TTN: variants seen among roughly 807,000 people sequenced by gnomAD.
TTN encodes the protein titin, also known as connectin.
In TTN, 1,525 loss-of-function variants were observed where a neutral mutation model predicts 3,223.0. That is an observed-to-expected ratio of 0.47 (90% CI 0.45 to 0.49). The LOEUF (loss-of-function observed/expected upper bound fraction) is 0.49, where lower values mean the gene tolerates loss of function less well. TTN is among the 20% of genes least tolerant of loss of function. The pLI is 0.00. For synonymous variants in TTN, 14,094 were observed against 15,161.0 expected, an observed-to-expected ratio of 0.93 and a Z score of 5.17; for missense variants, 40,786 against 43,424.0, an observed-to-expected ratio of 0.94 and a Z score of 5.40.
intron 213 of TTN, among the ~76,000 whole-genome samples, 184 bp downstream of exon 213, chr2:178,649,064 C>T (rs766297488): frequency 2.7e-4 from 41 of 152,124 alleles, no homozygotes; most frequent in Non-Finnish European, 3.5e-4. Context: ...CACAGCACAA[C>T]TGAATCCCAC....
At chr2:178,751,901 T>G (rs781312451) in intron 47 of TTN, 1 of 1,603,190 alleles carries the variant, frequency 6.2e-7, no homozygotes, top group Non-Finnish European at 8.5e-7. Flanking sequence ...CTTAAAATAT[T>G]CAGGCCAGGA....
Position 178,583,022 on chromosome 2 carries a change from G to A in TTN, c.65781C>T (p.Asn21927=). The part of the protein sequence containing the change: ...NLCTLELFSV[N]RKDSGDYTIT... The stretch of plus-strand genomic sequence containing the variant: ...TGGTATAGTCTCCTGAGTCCTTCCG[G>A]TTCACGCTGAATAGCTCCAAGGTGC... Residue 21927 remains asparagine, a synonymous_variant, in exon 313 of 363, where the codon AAC becomes AAT. Transcript: ENST00000589042. 6.2e-7 allele frequency: 1 copy of A among 1,607,492 alleles called. No individual in the cohort carries two copies. The highest frequency in any genetic ancestry group is 8.5e-7 in the Non-Finnish European group (1 of 1,176,168).
chr2:178,691,937 AT>A, intron 121 of TTN, 78 bp downstream of exon 121: 1 of 1,176,392 alleles, frequency 8.5e-7, no homozygotes, highest in Non-Finnish European at 1.2e-6. Context: ...CAAAGGCAGC[AT>A]AGTACATATG....
chr2:178,720,105 A>T lies in TTN; in HGVS notation c.23537T>A (p.Phe7846Tyr), dbSNP rs397517504. ...CTGGAGGGTTGCAATGTTATCAATGAATGAAATCCTGGTATTTTCACTCTC... is the reference window on the plus strand; with the variant it reads ...CTGGAGGGTTGCAATGTTATCAATGTATGAAATCCTGGTATTTTCACTCTC... ...IRESENTRIS[F>Y]IDNIATLQLG... Residue 7846 changes from phenylalanine to tyrosine, a missense_variant, in exon 81 of 363, where the codon TTC becomes TAC. Physicochemically the swap from Phe to Tyr is conservative, Grantham distance 22 (BLOSUM62 3). Coordinates refer to ENST00000589042, the MANE Select transcript of TTN (RefSeq NM_001267550.2). 6.2e-7 allele frequency: 1 copy of T among 1,613,764 alleles called. No individual in the cohort carries two copies. The highest frequency in any genetic ancestry group is 8.5e-7 in the Non-Finnish European group (1 of 1,179,702).
chr2:178,778,289 G>A (rs990537875), intron 24 of TTN: 16 of 334,266 alleles, frequency 4.8e-5, no homozygotes, highest in Non-Finnish European at 8.3e-5. Context: ...AGACTTTTTT[G>A]ATTTAACTAC....
chr2:178,584,366 C>G lies in TTN; in HGVS notation c.65185G>C (p.Glu21729Gln), dbSNP rs375439506. 2.5e-6 allele frequency: 4 copies of G among 1,613,172 alleles called. No homozygotes were observed. The highest frequency in any genetic ancestry group is 2.7e-5 in the African/African-American group (2 of 74,880). ...YPCAGLVEGL[E>Q]YSFRIYALNK... ...AGGGCATAGATTCTGAATGAATACTCAAGACCTTCTACAAGGCCAGCACAA... is the reference window on the plus strand; with the variant it reads ...AGGGCATAGATTCTGAATGAATACTGAAGACCTTCTACAAGGCCAGCACAA... Residue 21729 changes from glutamate (E) to glutamine (Q), a missense_variant, in exon 311 of 363, where the codon GAG becomes CAG. Glu to Gln is a conservative substitution (Grantham distance 29, BLOSUM62 2). Coordinates refer to ENST00000589042, the MANE Select transcript of TTN (RefSeq NM_001267550.2).
chr2:178,595,128 G>T (rs1048771511), intron 295 of TTN, among the ~76,000 whole-genome samples: 5 of 151,944 alleles, frequency 3.3e-5, no homozygotes, highest in African/African-American at 1.2e-4. Flanking sequence ...AAAATTAGCT[G>T]GGCATGGTGG....
chr2:178,651,660 G>A lies in TTN; in HGVS notation c.39463+6C>T, dbSNP rs763744567. ...TTGTTAGGGAGTTAGTGGCAGTGAGGAATACCTTTCACTGGTGGTAGTTCA... is the reference window on the plus strand; with the variant it reads ...TTGTTAGGGAGTTAGTGGCAGTGAGAAATACCTTTCACTGGTGGTAGTTCA... On this transcript the variant is annotated splice_donor_region_variant and intron_variant, in intron 206 of 362. Coordinates refer to ENST00000589042, the MANE Select transcript of TTN (RefSeq NM_001267550.2). 2 of 1,613,156 alleles carry A rather than the reference G, an allele frequency of 1.2e-6. No homozygotes were observed. The highest frequency in any genetic ancestry group is 1.7e-6 in the Non-Finnish European group (2 of 1,179,474).
rs1559507734 is a variant in TTN, at chr2:178,581,953, C to T, written c.66416G>A (p.Gly22139Asp). ...RVTAINKAGPGKPSDASKAAY... is the reference protein window; with the variant it reads ...RVTAINKAGPDKPSDASKAAY... ...GGCCTTGGATGCGTCACTGGGTTTG[C>T]CTGGTCCAGCTTTATTTATAGCTGT... Residue 22139 changes from glycine (G) to aspartate (D), a missense_variant, in exon 315 of 363, where the codon GGC becomes GAC. Coordinates refer to ENST00000589042, the MANE Select transcript of TTN (RefSeq NM_001267550.2). The T allele has an allele frequency of 7.4e-6, 12 of 1,613,256 alleles. No individual in the cohort carries two copies. The highest frequency in any genetic ancestry group is 8.5e-6 in the Non-Finnish European group (10 of 1,179,486).
Position 178,559,665 on chromosome 2 carries a change from A to T in TTN, c.86467T>A (p.Tyr28823Asn), listed in dbSNP as rs1702876346. 6 of 1,612,686 alleles carry T rather than the reference A, an allele frequency of 3.7e-6. No individual in the cohort carries two copies. Among genetic ancestry groups the T allele is most frequent in the Non-Finnish European group, 4.2e-6 (5 of 1,179,342 alleles). ...ENANRNDSGK[Y>N]TLTIQNVLSA... ...AAAACATTCTGAATTGTTAATGTGTACTTTCCAGAGTCATTTCTGTTGGCA... is the reference window on the plus strand; with the variant it reads ...AAAACATTCTGAATTGTTAATGTGTTCTTTCCAGAGTCATTTCTGTTGGCA... Residue 28823 changes from tyrosine (Y) to asparagine (N), a missense_variant, in exon 326 of 363, where the codon TAC becomes AAC. Transcript: ENST00000589042.
intron 47 of TTN, chr2:178,744,521 G>A (rs1052803032): frequency 3.5e-6 from 3 of 863,812 alleles, no homozygotes; most frequent in Non-Finnish European, 4.2e-6. Context: ...CAAAATTAAA[G>A]AGTTACTTTA....
chr2:178,768,360 T>C (rs1243632996), intron 38 of TTN, among the ~76,000 whole-genome samples: 1 of 152,218 alleles, frequency 6.6e-6, no homozygotes, highest in Non-Finnish European at 1.5e-5. Context: ...CAAGGACTTT[T>C]CTATTGTCTC....
At position 178,569,770 on chromosome 2, in the gene TTN, C is replaced by T; in HGVS notation, c.76362G>A (p.Met25454Ile). The T allele has an allele frequency of 1.9e-6, 3 of 1,613,228 alleles. No homozygotes were observed. The highest frequency in any genetic ancestry group is 2.5e-6 in the Non-Finnish European group (3 of 1,179,602). ...TATTAATTCCTGTTGGTGGAGTGCA[C>T]ATTGTCCATTCACCAACACTCACAT... is the stretch of plus-strand genomic sequence containing the variant. Reference protein sequence around the residue: ...KCDVSVGEWTMCTPPTGINKT... With the variant: ...KCDVSVGEWTICTPPTGINKT... Residue 25454 changes from methionine to isoleucine, a missense_variant, in exon 326 of 363, where the codon ATG becomes ATA. Met to Ile is a conservative substitution (Grantham distance 10). Transcript: ENST00000589042.
Position 178,611,757 on chromosome 2 carries a change from C to T in TTN, c.50551+1G>A, listed in dbSNP as rs188050862. 1 of 1,611,666 alleles carries T rather than the reference C, an allele frequency of 6.2e-7. No individual in the cohort carries two copies. Among genetic ancestry groups the T allele is most frequent in the African/African-American group, 1.3e-5 (1 of 74,894 alleles). On this transcript the variant is annotated splice_donor_variant, in intron 268 of 362. Transcript: ENST00000589042. LOFTEE classifies it high-confidence loss of function. ...TCTTGTGTATAATCAGCACTACTTA[C>T]TTGTTGGATCTTCAATGGATAGGAT...
chr2:178,761,984 T>C (rs2089320388), intron 43 of TTN, among the ~76,000 whole-genome samples: 1 of 152,148 alleles, frequency 6.6e-6, no homozygotes, highest in Admixed American at 6.5e-5. Context: ...TACCAGTAGG[T>C]GGCACTGGAG....
intron 163 of TTN, among the ~76,000 whole-genome samples, chr2:178,666,214 A>T (rs887421805): frequency 1.3e-5 from 2 of 152,122 alleles, no homozygotes; most frequent in African/African-American, 4.8e-5. Context: ...AAGATTCCAG[A>T]CTGAGAAAAA....
intron 47 of TTN, chr2:178,750,607 A>C: frequency 6.2e-7 from 1 of 1,612,684 alleles, no homozygotes; most frequent in Non-Finnish European, 8.5e-7. Flanking sequence ...AAGAATTTTC[A>C]AAAAATCTCA....
Position 178,575,156 on chromosome 2 carries a change from C to T in TTN, c.70976G>A (p.Gly23659Asp). Residue 23659 changes from glycine to aspartate, a missense_variant, in exon 326 of 363, where the codon GGT becomes GAT. Coordinates refer to ENST00000589042, the MANE Select transcript of TTN (RefSeq NM_001267550.2). The surrounding 1 kb of genome is among the most constrained non-coding windows in gnomAD (Gnocchi z 4.0). Reference protein sequence around the residue: ...DNIKVEIPVLGRPKPTVTWKK... With the variant: ...DNIKVEIPVLDRPKPTVTWKK... ...CCATGTCACTGTGGGCTTCGGTCGA[C>T]CGAGCACTGGAATTTCAACTTTGAT... 1 of 1,612,706 alleles carries T rather than the reference C, an allele frequency of 6.2e-7. No homozygotes were observed. The highest frequency in any genetic ancestry group is 8.5e-7 in the Non-Finnish European group (1 of 1,179,308).
At position 178,730,696 on chromosome 2, in the gene TTN, T is replaced by C. The variant is rs1417520677; in HGVS notation, c.17837A>G (p.His5946Arg). ...IDLECIVAGS[H>R]PISIQWFKDD... ...TTTGAACCACTGGATGCTTATGGGA[T>C]GTGACCCAGCCACTATACATTCTAA... The change falls in exon 61 of 363, where the codon CAT becomes CGT. Residue 5946 changes from histidine to arginine, a missense_variant. Physicochemically the swap from His to Arg is conservative, Grantham distance 29. Transcript: ENST00000589042. The C allele has an allele frequency of 1.2e-6, 2 of 1,613,676 alleles. No individual in the cohort carries two copies. The highest frequency in any genetic ancestry group is 1.7e-6 in the Non-Finnish European group (2 of 1,179,692).
Sources: gnomAD v4.1 joint callset for allele counts (sites outside exome capture counted in the v4.1 genomes callset) on GRCh38, gnomAD v4.1.1 for gene constraint, Gnocchi (gnomAD v3.1) non-coding constraint, MANE v1.5 for transcripts, NCBI Gene and HGNC (gene_info 2026-07-23, HGNC 2026-07-21) for gene names.